SGPP1: variants seen among roughly 807,000 people sequenced by gnomAD.
The protein encoded by SGPP1 is hSPP1.
Under a neutral mutation model 33.0 loss-of-function variants are expected in SGPP1, and 21 were observed. That is an observed-to-expected ratio of 0.64 (90% CI 0.45 to 0.92). SGPP1 has a LOEUF of 0.92. Among genes scored for constraint, SGPP1 ranks in the 40% least tolerant of loss-of-function variants. The probability of loss-of-function intolerance (pLI) is 0.00; values close to 1 mark genes in which losing one functional copy is unlikely to be tolerated. For missense variants in SGPP1, 543 were observed against 589.4 expected, an observed-to-expected ratio of 0.92 and a Z score of 0.81; for synonymous variants, 239 against 241.2, an observed-to-expected ratio of 0.99 and a Z score of 0.08.
intron 1 of SGPP1, among the ~76,000 whole-genome samples, chr14:63,718,121 G>A (rs796516809): frequency 9.9e-5 from 15 of 151,996 alleles, no homozygotes; most frequent in African/African-American, 2.2e-4. Flanking sequence ...GTTGGTGCTC[G>A]CCTGCAGTCC....
chr14:63,699,758 T>A (rs1388261601), intron 1 of SGPP1, among the ~76,000 whole-genome samples: 2 of 151,610 alleles, frequency 1.3e-5, no homozygotes, highest in Non-Finnish European at 2.9e-5. Context: ...TTGTTTTTTT[T>A]ACATATCTAC....
chr14:63,722,911 G>T (rs1885803091), intron 1 of SGPP1, among the ~76,000 whole-genome samples: 2 of 151,012 alleles, frequency 1.3e-5, no homozygotes, highest in South Asian at 4.2e-4. Flanking sequence ...GGTCGAGGCT[G>T]CAGTGAGCCG....
In SGPP1 at chr14:63,728,047, C is replaced by G. The variant is rs1370035798; in HGVS notation, c.-103G>C. The G allele has an allele frequency of 1.7e-6, 2 of 1,195,120 alleles. No homozygotes were observed. Among genetic ancestry groups the G allele is most frequent in the East Asian group, 3.2e-5 (1 of 30,772 alleles). The allele number at this position is 1,195,120 out of a possible 1,614,324, so 74.0% of individuals were successfully genotyped here. A position where few individuals can be genotyped will look rare whatever the true frequency, so the allele number is the denominator to read the frequency against. ...CGGAACCGGCACAGCGCTCTACCCT[C>G]CGGAGTCTGCCGGGTGACGGCGCCA... is the stretch of plus-strand genomic sequence containing the variant. On this transcript the variant is annotated 5_prime_UTR_variant, in exon 1 of 3. Transcript: ENST00000247225.
At chr14:63,721,935 A>G (rs1031143101) in intron 1 of SGPP1, among the ~76,000 whole-genome samples, 4 of 152,260 alleles carry the variant, frequency 2.6e-5, no homozygotes, top group Admixed American at 6.5e-5. Flanking sequence ...AGCTATTCTC[A>G]TATTTTAAGA....
intron 1 of SGPP1, among the ~76,000 whole-genome samples, chr14:63,698,929 T>G (rs1885243918): frequency 6.6e-6 from 1 of 152,190 alleles, no homozygotes; most frequent in Non-Finnish European, 1.5e-5. Flanking sequence ...ACAATGAAGA[T>G]TCAATCACTG....
chr14:63,697,388 G>C (rs965303330), intron 2 of SGPP1, among the ~76,000 whole-genome samples: 1 of 152,048 alleles, frequency 6.6e-6, no homozygotes, highest in Admixed American at 6.6e-5. Flanking sequence ...TCTAAAAATG[G>C]TAACATGTTA....
At chr14:63,690,235 G>T (rs971402227) in intron 2 of SGPP1, among the ~76,000 whole-genome samples, 3 of 152,138 alleles carry the variant, frequency 2.0e-5, no homozygotes, top group Non-Finnish European at 2.9e-5. Context: ...TGTAGACAAG[G>T]TTTTGTCATG....
chr14:63,705,675 G>C (rs896990114), intron 1 of SGPP1, among the ~76,000 whole-genome samples: 1 of 151,820 alleles, frequency 6.6e-6, no homozygotes, highest in Non-Finnish European at 1.5e-5. Context: ...CTCAAAAAAT[G>C]GGAAATGAAA....
intron 2 of SGPP1, among the ~76,000 whole-genome samples, chr14:63,694,687 ATAAC>A (rs774830505): frequency 2.6e-5 from 4 of 152,256 alleles, no homozygotes; most frequent in Non-Finnish European, 5.9e-5. Flanking sequence ...ATTAAAATGT[ATAAC>A]TAAGTGGTTT....
Position 63,727,821 on chromosome 14 carries a change from C to T in SGPP1, c.124G>A (p.Asp42Asn), listed in dbSNP as rs1885922955. ...PPRRSADRRE[D>N]EKAEAPLAGD... ...GCGAGAGGCGCCTCCGCTTTCTCAT[C>T]CTCCCTCCGGTCTGCTGAGCGGCGC... Residue 42 changes from aspartate (D) to asparagine (N), a missense_variant, in exon 1 of 3, where the codon GAT (aspartate) becomes AAT (asparagine). Physicochemically the swap from Asp to Asn is conservative, Grantham distance 23. Coordinates refer to ENST00000247225, the MANE Select transcript of SGPP1 (RefSeq NM_030791.4). The T allele has an allele frequency of 1.3e-6, 2 of 1,508,822 alleles. No homozygotes were observed. The highest frequency in any genetic ancestry group is 1.8e-6 in the Non-Finnish European group (2 of 1,134,968). 93.5% of individuals were successfully genotyped at this position (1,508,822 alleles called of 1,614,324 possible).
intron 1 of SGPP1, among the ~76,000 whole-genome samples, chr14:63,706,649 A>G (rs1885413362): frequency 6.6e-6 from 1 of 152,170 alleles, no homozygotes. Flanking sequence ...TCATGAAAAC[A>G]TGTGTCAAAC....
intron 2 of SGPP1, among the ~76,000 whole-genome samples, chr14:63,689,375 C>T (rs1048087816): frequency 2.6e-5 from 4 of 152,138 alleles, no homozygotes; most frequent in Non-Finnish European, 5.9e-5. Flanking sequence ...TGGTCTTGAA[C>T]TCCTGGGCTC....
chr14:63,705,224 G>A (rs1885384431), intron 1 of SGPP1, among the ~76,000 whole-genome samples: 2 of 148,510 alleles, frequency 1.3e-5, no homozygotes, highest in Non-Finnish European at 3.0e-5. Flanking sequence ...GAAAGTATTT[G>A]CAAATGATAT....
chr14:63,688,315 CAAAAAA>C (rs71120275), intron 2 of SGPP1, among the ~76,000 whole-genome samples: 2,082 of 31,186 alleles, frequency 0.067, 8 homozygotes, highest in South Asian at 0.085. Context: ...GACTCTGTCT[CAAAAAA>C]AAAAAAAAAA....
rs753572707 is a variant in SGPP1, at chr14:63,727,587, G to A, written c.358C>T (p.Leu120=). The A allele has an allele frequency of 5.7e-6, 9 of 1,581,680 alleles. No individual in the cohort carries two copies. The highest frequency in any genetic ancestry group is 1.7e-4 in the Middle Eastern group (1 of 6,008). Residue 120 remains leucine (L), a synonymous_variant, in exon 1 of 3, where the codon CTG becomes TTG. Coordinates refer to ENST00000247225, the MANE Select transcript of SGPP1 (RefSeq NM_030791.4). ...AGCGGCCAGTTGCTCACGCGGGCCA[G>A]CTGGCCCTCCTCGCCCGTCAGCGAG... ...RNSLTGEEGQ[L]ARVSNWPLYC...
Position 63,727,337 on chromosome 14 carries a change from C to G in SGPP1, c.608G>C (p.Ser203Thr). Reference protein sequence around the residue: ...KLEVFYNSEYSMPSTHAMSGT... With the variant: ...KLEVFYNSEYTMPSTHAMSGT... ...GGACATGGCATGGGTGGAGGGCATG[C>G]TGTACTCAGAGTTGTAGAAGACCTC... is the stretch of plus-strand genomic sequence containing the variant. Residue 203 changes from serine to threonine, a missense_variant, in exon 1 of 3, where the codon AGC (serine) becomes ACC (threonine). By Grantham distance (58) the Ser-to-Thr change is moderately conservative. Coordinates refer to ENST00000247225, the MANE Select transcript of SGPP1 (RefSeq NM_030791.4). 6.2e-7 allele frequency: 1 copy of G among 1,614,140 alleles called. No individual in the cohort carries two copies. The highest frequency in any genetic ancestry group is 8.5e-7 in the Non-Finnish European group (1 of 1,180,020).
intron 1 of SGPP1, among the ~76,000 whole-genome samples, chr14:63,713,464 T>C (rs1273796231): frequency 1.3e-5 from 2 of 152,206 alleles, no homozygotes; most frequent in African/African-American, 2.4e-5. Flanking sequence ...ATAGCAACTA[T>C]TTAGGCTCTG....
Position 63,727,931 on chromosome 14 carries a change from T to G in SGPP1, c.14A>C (p.Gln5Pro). The change falls in exon 1 of 3, where the codon CAG becomes CCG. Residue 5 changes from glutamine (Q) to proline (P), a missense_variant. By Grantham distance (76) the Gln-to-Pro change is moderately conservative (BLOSUM62 -1). Coordinates refer to ENST00000247225, the MANE Select transcript of SGPP1 (RefSeq NM_030791.4). The stretch of plus-strand genomic sequence containing the variant: ...ACGGCCAACCAGCTGGGCCAGGCGC[T>G]GCCTCAGCGACATGATAACGGAACC... Reference protein sequence around the residue: MSLRQRLAQLVGRLQ... With the variant: MSLRPRLAQLVGRLQ... 1 of 1,545,102 alleles carries G rather than the reference T, an allele frequency of 6.5e-7. No individual in the cohort carries two copies. The highest frequency in any genetic ancestry group is 1.2e-5 in the South Asian group (1 of 85,536).
Position 63,686,611 on chromosome 14 carries a change from AG to A in SGPP1, c.819del (p.Phe274SerfsTer7). On this transcript the variant is annotated frameshift_variant, in exon 3 of 3. Coordinates refer to ENST00000247225, the MANE Select transcript of SGPP1 (RefSeq NM_030791.4). LOFTEE classifies it high-confidence loss of function. ...TCAATCAGGTCCACAAATGGATAGA[AG>A]ACAGCTAAGATTAAAATGGTATATA... is the stretch of plus-strand genomic sequence containing the variant. ...GFLYTILILA[V>X]FYPFVDLIDN... The A allele has an allele frequency of 6.2e-7, 1 of 1,613,454 alleles. No individual in the cohort carries two copies. The highest frequency in any genetic ancestry group is 8.5e-7 in the Non-Finnish European group (1 of 1,179,524).
Sources: allele counts gnomAD v4.1 joint callset (sites outside exome capture counted in the v4.1 genomes callset), GRCh38; gene constraint gnomAD v4.1.1; transcripts MANE v1.5; gene names NCBI Gene and HGNC (gene_info 2026-07-23, HGNC 2026-07-21).